The following PPP4R2 variants were observed in gnomAD, a reference collection of about 807,000 sequenced individuals.
PPP4R2 encodes serine/threonine-protein phosphatase 4 regulatory subunit 2.
PPP4R2 carries 13 observed loss-of-function variants against 47.2 expected under a neutral mutation model. That is an observed-to-expected ratio of 0.28 (90% CI 0.18 to 0.44). PPP4R2 has a LOEUF of 0.44. Ranked by LOEUF, PPP4R2 falls within the 20% of genes least tolerant of loss-of-function variation. The pLI is 1.00. For synonymous variants in PPP4R2, 151 were observed against 163.3 expected (o/e 0.92, Z 0.57); for missense variants, 421 against 491.2 (o/e 0.86, Z 1.35).
intron 2 of PPP4R2, among the ~76,000 whole-genome samples, chr3:73,026,390 A>G (rs989189575): frequency 2.0e-5 from 3 of 152,134 alleles, no homozygotes; most frequent in Non-Finnish European, 4.4e-5. Context: ...TAAAAGATAC[A>G]TGCAAGGGGT....
chr3:73,014,878 T>A (rs1178663001), intron 2 of PPP4R2: 2 of 513,248 alleles, frequency 3.9e-6, no homozygotes, highest in Non-Finnish European at 7.1e-6. Flanking sequence ...ATTTATTTAT[T>A]CATTTTAATG....
At chr3:73,044,066 G>C (rs1295937962) in intron 2 of PPP4R2, among the ~76,000 whole-genome samples, 1 of 152,112 alleles carries the variant, frequency 6.6e-6, no homozygotes, top group African/African-American at 2.4e-5. Flanking sequence ...ATTTCTTTCA[G>C]ATTAAAGACT....
chr3:73,050,381 TC>T (rs1441468854), intron 3 of PPP4R2, among the ~76,000 whole-genome samples: 1 of 152,168 alleles, frequency 6.6e-6, no homozygotes, highest in African/African-American at 2.4e-5. Context: ...TTTAATTTAC[TC>T]TTTTTTTGTC....
At chr3:73,060,557 T>C (rs1054961299) in intron 4 of PPP4R2, among the ~76,000 whole-genome samples, 1 of 151,392 alleles carries the variant, frequency 6.6e-6, no homozygotes, top group Non-Finnish European at 1.5e-5. Flanking sequence ...AAGTTATTTT[T>C]ACTGGGAAGA....
intron 3 of PPP4R2, among the ~76,000 whole-genome samples, chr3:73,049,879 A>G (rs1343103905): frequency 8.5e-5 from 13 of 152,048 alleles, no homozygotes; most frequent in Non-Finnish European, 1.9e-4. Context: ...CAGTCATTAA[A>G]TGCCTGAGCA....
At chr3:73,010,153 T>A (rs1300728640) in intron 2 of PPP4R2, among the ~76,000 whole-genome samples, 1 of 152,224 alleles carries the variant, frequency 6.6e-6, no homozygotes, top group Non-Finnish European at 1.5e-5. Flanking sequence ...TGGTATTTTT[T>A]AAAATGTGGC....
intron 2 of PPP4R2, among the ~76,000 whole-genome samples, chr3:73,030,432 A>G (rs186578609): frequency 1.8e-4 from 27 of 152,254 alleles, no homozygotes; most frequent in Admixed American, 1.5e-3. Flanking sequence ...GGAAAACTCA[A>G]TGTAGGGTTG....
At chr3:73,033,676 T>G (rs1271610884) in intron 2 of PPP4R2, among the ~76,000 whole-genome samples, 1 of 152,222 alleles carries the variant, frequency 6.6e-6, no homozygotes, top group Admixed American at 6.5e-5. Context: ...CTGTACCCAT[T>G]AAACAATAAT....
chr3:73,020,567 G>C (rs1701938233), intron 2 of PPP4R2, among the ~76,000 whole-genome samples: 2 of 151,500 alleles, frequency 1.3e-5, no homozygotes, highest in Non-Finnish European at 1.5e-5. Context: ...CTACTCAGGA[G>C]GCTGAGGTGG....
intron 3 of PPP4R2, among the ~76,000 whole-genome samples, chr3:73,052,241 C>CTTTTTTTTTTTTTTTT (rs71845467): frequency 7.3e-6 from 1 of 137,732 alleles, no homozygotes; most frequent in Non-Finnish European, 1.5e-5. Context: ...TAATTTCTTT[C>CTTTTTTTTTTTTTTTT]TTTTCTTTTT....
rs1272677090 is a variant in PPP4R2, at chr3:73,024,076, A to T, written c.117-23110A>T. On this transcript the variant is annotated intron_variant, in intron 2 of 8. Coordinates refer to ENST00000356692, the MANE Select transcript of PPP4R2 (RefSeq NM_174907.4). ...TAAAAATAAAATAGATTTTATAGAT[A>T]TGATTGGCTGAAATGAACAGCCTTT... 4.4e-4 allele frequency among the ~76,000 whole-genome samples: 67 copies of T among 152,184 alleles called. No individual in the cohort carries two copies. The East Asian group carries it at 0.011, about 25-fold the overall frequency.
At chr3:72,997,434 G>T in intron 1 of PPP4R2, 10 of 183,906 alleles carry the variant, frequency 5.4e-5, no homozygotes, top group South Asian at 1.9e-4. Flanking sequence ...GTTGGGGTGG[G>T]AGAAAAAGTA....
chr3:72,999,605 A>G (rs1399281417), intron 2 of PPP4R2, among the ~76,000 whole-genome samples: 8 of 152,244 alleles, frequency 5.3e-5, no homozygotes, highest in Admixed American at 2.6e-4. Context: ...GATAAAGTAC[A>G]TTGCCTATAA....
At position 72,998,172 on chromosome 3, in the gene PPP4R2, A is replaced by C. The variant is rs747622429; in HGVS notation, c.116+14A>C. ...TGGAGAAACAATGTGAGTTGAAAACATGCATTTGTCGTTATAGACCAGTGC... is the reference window on the plus strand; with the variant it reads ...TGGAGAAACAATGTGAGTTGAAAACCTGCATTTGTCGTTATAGACCAGTGC... On this transcript the variant is annotated intron_variant, in intron 2 of 8. Coordinates refer to ENST00000356692, the MANE Select transcript of PPP4R2 (RefSeq NM_174907.4). The C allele has an allele frequency of 5.7e-6, 9 of 1,572,706 alleles. No homozygotes were observed. The South Asian group carries it at 1.0e-4, about 18-fold the overall frequency.
chr3:73,001,182 C>T (rs1203199738), intron 2 of PPP4R2, among the ~76,000 whole-genome samples: 1 of 151,988 alleles, frequency 6.6e-6, no homozygotes, highest in Non-Finnish European at 1.5e-5. Flanking sequence ...TACTCAGCTA[C>T]ATAAAATACT....
rs1340747338 is a variant in PPP4R2 at position 73,068,279 on chromosome 3, T to C, written c.*2557T>C. 2.6e-5 allele frequency: 4 copies of C among 152,136 alleles called. No homozygotes were observed. The highest frequency in any genetic ancestry group is 7.2e-5 in the African/African-American group (3 of 41,432). The allele number at this position is 152,136 out of a possible 1,614,324, so 9.4% of individuals were successfully genotyped here. On this transcript the variant is annotated 3_prime_UTR_variant, in exon 9 of 9. Transcript: ENST00000356692. The stretch of plus-strand genomic sequence containing the variant: ...GAGACCTCAGTGATTAAAGATATTT[T>C]GTTTCTGACCTTGAGCAGATTGCTT...
chr3:73,062,119 C>G, intron 5 of PPP4R2: 1 of 1,548,162 alleles, frequency 6.5e-7, no homozygotes, highest in South Asian at 1.2e-5. Flanking sequence ...TATGTTAATT[C>G]TCACAGTCTT....
intron 2 of PPP4R2, among the ~76,000 whole-genome samples, chr3:73,009,577 A>G (rs1701681769): frequency 6.6e-6 from 1 of 152,234 alleles, no homozygotes; most frequent in Non-Finnish European, 1.5e-5. Flanking sequence ...ATACCTGTCA[A>G]AAACTTCATG....
At position 73,044,593 on chromosome 3, in the gene PPP4R2, A is replaced by G. The variant is rs995786731; in HGVS notation, c.117-2593A>G. 1.8e-4 allele frequency among the ~76,000 whole-genome samples: 28 copies of G among 152,142 alleles called. 1 individual carries two copies. Among genetic ancestry groups the G allele is most frequent in the Non-Finnish European group, 5.9e-5 (4 of 68,024 alleles). ...GGAGTGACACTGTCTCAGAAAGGAA[A>G]GTTTCAGTTTCTCTACATCCTTGGC... On this transcript the variant is annotated intron_variant, in intron 2 of 8. Transcript: ENST00000356692.
Sources: allele counts gnomAD v4.1 joint callset (sites outside exome capture counted in the v4.1 genomes callset), GRCh38; gene constraint gnomAD v4.1.1; transcripts MANE v1.5; gene names NCBI Gene and HGNC (gene_info 2026-07-23, HGNC 2026-07-21).